IFT70B: variants seen among roughly 807,000 people sequenced by gnomAD.
IFT70B encodes intraflagellar transport protein 70B.
At chr2:177,551,067 C>T in the IFT70B span, 10 of 1,614,116 alleles carry the variant, frequency 6.2e-6, no homozygotes, top group East Asian at 2.2e-5. Context: ...TTTGATAACT[C>T]GAGAAATACC....
At chr2:177,551,051 C>G in the IFT70B span, 2 of 1,614,096 alleles carry the variant, frequency 1.2e-6, no homozygotes, top group Non-Finnish European at 1.7e-6. Flanking sequence ...TGTAAGGTTC[C>G]AAGCTTTTGA....
chr2:177,552,472 C>G, the IFT70B span: 32 of 1,611,736 alleles, frequency 2.0e-5, 1 homozygote, highest in South Asian at 3.5e-4. Flanking sequence ...ACCCGGGTGG[C>G]CTCCGCATAA....
chr2:177,551,523 T>G, the IFT70B span: 4 of 1,614,148 alleles, frequency 2.5e-6, no homozygotes, highest in Non-Finnish European at 3.4e-6. Context: ...ATCATATTCA[T>G]TCACTGCCTT....
chr2:177,551,428 T>C, the IFT70B span: 12 of 1,614,168 alleles, frequency 7.4e-6, no homozygotes, highest in Admixed American at 5.0e-5. Context: ...TTGCGGAAGA[T>C]CTTTTCCACC....
chr2:177,551,751 A>C, the IFT70B span: 1 of 1,614,230 alleles, frequency 6.2e-7, no homozygotes, highest in Non-Finnish European at 8.5e-7. Flanking sequence ...ATCTGCTGCC[A>C]GGTCAAAATA....
At chr2:177,552,701 G>A in the IFT70B span, 2 of 1,599,498 alleles carry the variant, frequency 1.3e-6, no homozygotes, top group African/African-American at 2.7e-5. Context: ...CATTGCGGAT[G>A]AGGCGGTACA....
At chr2:177,552,674 C>A in the IFT70B span, 1 of 1,593,666 alleles carries the variant, frequency 6.3e-7, no homozygotes, top group Non-Finnish European at 8.5e-7. Flanking sequence ...GCAGCTGCAC[C>A]GCCTCGGCGT....
chr2:177,552,756 C>T, the IFT70B span: 2 of 1,553,648 alleles, frequency 1.3e-6, no homozygotes, highest in Non-Finnish European at 8.7e-7. Flanking sequence ...GCCGCTCAGG[C>T]CAGCCATAAC....
At chr2:177,549,668 G>T in the IFT70B span, 3 of 152,154 alleles carry the variant, frequency 2.0e-5, no homozygotes, top group African/African-American at 4.8e-5. Flanking sequence ...CTCTTGTAAG[G>T]TTCAGAAAAT....
the IFT70B span, chr2:177,551,055 C>A: frequency 3.7e-6 from 6 of 1,614,136 alleles, no homozygotes; most frequent in Non-Finnish European, 5.1e-6. Flanking sequence ...AGGTTCCAAG[C>A]TTTTGATAAC....
At chr2:177,551,486 C>T in the IFT70B span, 1 of 1,614,268 alleles carries the variant, frequency 6.2e-7, no homozygotes, top group Non-Finnish European at 8.5e-7. Context: ...GAGCCATCAA[C>T]ACAGGAATGT....
the IFT70B span, chr2:177,552,421 C>A: frequency 1.2e-6 from 2 of 1,613,310 alleles, no homozygotes; most frequent in Non-Finnish European, 1.7e-6. Flanking sequence ...AGGCGGAGGA[C>A]CCGGCTGTGG....
chr2:177,551,657 C>T, the IFT70B span: 1 of 1,614,252 alleles, frequency 6.2e-7, no homozygotes. Flanking sequence ...CAGGAGCTGT[C>T]TGGCAAGTGA....
At chr2:177,552,731 G>C in the IFT70B span, 15 of 1,584,414 alleles carry the variant, frequency 9.5e-6, no homozygotes, top group African/African-American at 1.3e-5. Flanking sequence ...TGAACTCCCC[G>C]TCGGGGATCT....
the IFT70B span, chr2:177,551,985 A>G: frequency 7.4e-6 from 12 of 1,614,184 alleles, no homozygotes; most frequent in African/African-American, 1.3e-5. Context: ...TTGGTATTCT[A>G]TAGCTGCCTT....
At chr2:177,552,100 G>A in the IFT70B span, 7 of 1,614,138 alleles carry the variant, frequency 4.3e-6, no homozygotes, top group Admixed American at 8.3e-5. Context: ...AGCTCAGGGT[G>A]CTGGCGGATG....
chr2:177,552,080 G>A, the IFT70B span: 1 of 1,614,238 alleles, frequency 6.2e-7, no homozygotes. Flanking sequence ...CAGTGGTCAT[G>A]CCCACACCTA....
At chr2:177,551,389 C>G in the IFT70B span, 1 of 1,614,302 alleles carries the variant, frequency 6.2e-7, no homozygotes, top group South Asian at 1.1e-5. Flanking sequence ...AACTTCCACA[C>G]ATCATGGTCG....
chr2:177,551,612 C>T, the IFT70B span: 3 of 1,614,188 alleles, frequency 1.9e-6, no homozygotes, highest in South Asian at 1.1e-5. Context: ...CAGTCAGCAT[C>T]CCTGCTAGCC....
Sources: gnomAD v4.1 joint callset for allele counts on GRCh38, gnomAD v4.1.1 for gene constraint, MANE v1.5 for transcripts, NCBI Gene and HGNC (gene_info 2026-07-23, HGNC 2026-07-21) for gene names.